The following PARD3B variants were observed in gnomAD, a reference collection of about 807,000 sequenced individuals.
The protein encoded by PARD3B is partitioning defective 3 homolog B.
Under a neutral mutation model 130.2 loss-of-function variants are expected in PARD3B, and 103 were observed. The ratio of observed to expected loss-of-function variants is 0.79; its 90% CI spans 0.67 to 0.93. The LOEUF is 0.93. Among genes scored for constraint, PARD3B ranks in the 40% least tolerant of loss-of-function variants. The pLI, the probability that PARD3B is intolerant of heterozygous loss-of-function variation, is 0.00. For synonymous variants in PARD3B, 583 were observed against 553.2 expected (o/e 1.05, Z -0.76); for missense variants, 1,609 against 1,499.2 (o/e 1.07, Z -1.21).
At chr2:204,945,443 G>A (rs1408209828) in intron 2 of PARD3B, among the ~76,000 whole-genome samples, 1 of 152,148 alleles carries the variant, frequency 6.6e-6, no homozygotes, top group Non-Finnish European at 1.5e-5. Flanking sequence ...TCCTCAAAGG[G>A]AAAGCTTCTC....
chr2:205,517,065 A>G (rs1331320512), intron 21 of PARD3B, among the ~76,000 whole-genome samples: 2 of 152,172 alleles, frequency 1.3e-5, no homozygotes, highest in Non-Finnish European at 2.9e-5. Context: ...GATGAATCAC[A>G]TTTATTGATT....
At chr2:204,756,687 A>G (rs569775064) in intron 2 of PARD3B, among the ~76,000 whole-genome samples, 1 of 152,256 alleles carries the variant, frequency 6.6e-6, no homozygotes, top group East Asian at 1.9e-4. Context: ...GTCATTCCTA[A>G]TGTTTTATAA....
intron 21 of PARD3B, among the ~76,000 whole-genome samples, chr2:205,523,808 T>C (rs905028030): frequency 4.2e-5 from 6 of 143,870 alleles, no homozygotes; most frequent in Non-Finnish European, 7.5e-5. Flanking sequence ...TTCATCTCTC[T>C]GATAACCTTT....
chr2:205,219,792 T>C (rs1199418598), intron 15 of PARD3B, among the ~76,000 whole-genome samples: 1 of 152,092 alleles, frequency 6.6e-6, no homozygotes, highest in Non-Finnish European at 1.5e-5. Context: ...CAATAAGAAA[T>C]ACCATGGAAT....
In PARD3B at chr2:204,824,501, G is replaced by T. The variant is rs543042354; in HGVS notation, c.222+138219G>T. 3.2e-4 allele frequency among the ~76,000 whole-genome samples: 49 copies of T among 152,232 alleles called. 1 individual carries two copies. The highest frequency in any genetic ancestry group is 1.1e-3 in the African/African-American group (46 of 41,534). On this transcript the variant is annotated intron_variant, in intron 2 of 22. Transcript: ENST00000406610. ...CTTGTTGGCATAGTCCCTATATTAA[G>T]CCCTCCTTGAACTATCTCTATTTGA...
chr2:205,182,066 G>A (rs2035820752), intron 13 of PARD3B, among the ~76,000 whole-genome samples: 1 of 152,320 alleles, frequency 6.6e-6, no homozygotes, highest in South Asian at 2.1e-4. Flanking sequence ...GCCAAGGCAG[G>A]CAGATCACGA....
At chr2:204,818,933 A>G (rs2043237369) in intron 2 of PARD3B, among the ~76,000 whole-genome samples, 1 of 152,154 alleles carries the variant, frequency 6.6e-6, no homozygotes, top group Admixed American at 6.6e-5. Context: ...GCGTTTTGGA[A>G]CATGTTAAGT....
chr2:204,608,065 A>T (rs980345162), intron 1 of PARD3B, among the ~76,000 whole-genome samples: 3 of 152,166 alleles, frequency 2.0e-5, no homozygotes, highest in Non-Finnish European at 4.4e-5. Flanking sequence ...AGTTTGCAAG[A>T]TGGTTTGCAG....
rs564009377 is a variant in PARD3B, at chr2:204,760,521, C to T, written c.222+74239C>T. ...TTTACAAATTACATTTCATATCTGG[C>T]TCCTGTAGTTTTTCTTTTAATATAT... On this transcript the variant is annotated intron_variant, in intron 2 of 22. Transcript: ENST00000406610. Among the ~76,000 whole-genome samples, 4 of 152,022 alleles carry T rather than the reference C, an allele frequency of 2.6e-5. No individual in the cohort carries two copies. In the South Asian group the frequency reaches 8.3e-4, roughly 32 times the overall value.
chr2:205,216,525 G>A (rs2037920551), intron 15 of PARD3B, among the ~76,000 whole-genome samples: 1 of 152,016 alleles, frequency 6.6e-6, no homozygotes, highest in African/African-American at 2.4e-5. Context: ...TCAATTGGCA[G>A]TATAAAACTA....
chr2:204,830,359 T>A (rs2043770240), intron 2 of PARD3B, among the ~76,000 whole-genome samples: 1 of 152,192 alleles, frequency 6.6e-6, no homozygotes, highest in Non-Finnish European at 1.5e-5. Context: ...TAGAGTTGTT[T>A]AAGTAATACC....
chr2:204,719,432 G>T (rs938359068), intron 2 of PARD3B, among the ~76,000 whole-genome samples: 4 of 152,120 alleles, frequency 2.6e-5, no homozygotes, highest in Non-Finnish European at 5.9e-5. Context: ...GAAAATCTTT[G>T]ATCATCTTAA....
At position 205,584,855 on chromosome 2, in the gene PARD3B, T is replaced by C. The variant is rs916034173; in HGVS notation, c.3261-30601T>C. Among the ~76,000 whole-genome samples the C allele has an allele frequency of 6.6e-6, 1 of 152,162 alleles. No homozygotes were observed. Among genetic ancestry groups the C allele is most frequent in the Non-Finnish European group, 1.5e-5 (1 of 68,038 alleles). ...CTCATGTTCAGCCTGAGCCTTCTTT[T>C]TTGGAAAACACTTTTTTCCCCTTAG... is the stretch of plus-strand genomic sequence containing the variant. On this transcript the variant is annotated intron_variant, in intron 22 of 22. Coordinates refer to ENST00000406610, the MANE Select transcript of PARD3B (RefSeq NM_001302769.2). The surrounding 1 kb of genome is among the most constrained non-coding windows in gnomAD (Gnocchi z 5.5).
rs1553645977 is a variant in PARD3B at position 205,238,849 on chromosome 2, A to AT, written c.2141-6929_2141-6928insT. On this transcript the variant is annotated intron_variant, in intron 15 of 22. Coordinates refer to ENST00000406610, the MANE Select transcript of PARD3B (RefSeq NM_001302769.2). Reference sequence around the variant, plus strand: ...AAACTCCGTTTCAAAAAAAAAAAAAAATATATATATATATATATATATATA... The same window carrying AT: ...AAACTCCGTTTCAAAAAAAAAAAAAATATATATATATATATATATATATATA... Among the ~76,000 whole-genome samples the AT allele has an allele frequency of 4.6e-3, 355 of 76,890 alleles. 12 individuals are homozygous for AT. The highest frequency in any genetic ancestry group is 9.1e-3 in the Middle Eastern group (1 of 110). 50.4% of individuals were successfully genotyped at this position (76,890 alleles called of 152,430 possible).
At chr2:204,729,812 G>C (rs2039408373) in intron 2 of PARD3B, among the ~76,000 whole-genome samples, 1 of 151,606 alleles carries the variant, frequency 6.6e-6, no homozygotes, top group South Asian at 2.1e-4. Context: ...TAACCCTTTT[G>C]ATAACCCATA....
chr2:205,108,106 A>G (rs1311549936), intron 5 of PARD3B, among the ~76,000 whole-genome samples: 1 of 152,168 alleles, frequency 6.6e-6, no homozygotes, highest in Non-Finnish European at 1.5e-5. Flanking sequence ...GCCATCTCAA[A>G]ATATGTGGGA....
chr2:205,035,851 CTA>C (rs1228141891), intron 3 of PARD3B, among the ~76,000 whole-genome samples: 2 of 75,068 alleles, frequency 2.7e-5, no homozygotes, highest in Admixed American at 1.5e-4. Context: ...ATATAGTGGG[CTA>C]TATATATATG....
chr2:205,016,565 A>G (rs535828413), intron 3 of PARD3B, among the ~76,000 whole-genome samples: 1 of 152,324 alleles, frequency 6.6e-6, no homozygotes, highest in East Asian at 1.9e-4. Flanking sequence ...CAGAACCTCA[A>G]CACATAAAGC....
intron 2 of PARD3B, among the ~76,000 whole-genome samples, chr2:204,933,342 A>G (rs767109548): frequency 1.3e-5 from 2 of 152,196 alleles, no homozygotes; most frequent in Non-Finnish European, 2.9e-5. Context: ...TTAATTGATG[A>G]CACTCTGATA....
Sources: gnomAD v4.1 joint callset for allele counts (sites outside exome capture counted in the v4.1 genomes callset) on GRCh38, gnomAD v4.1.1 for gene constraint, Gnocchi (gnomAD v3.1) non-coding constraint, MANE v1.5 for transcripts, NCBI Gene and HGNC (gene_info 2026-07-23, HGNC 2026-07-21) for gene names.